Variants in GRIA4 observed in about 807,000 individuals in gnomAD.
GRIA4 encodes the protein glutamate ionotropic receptor AMPA type subunit 4.
In GRIA4, 34 loss-of-function variants were observed where a neutral mutation model predicts 104.0. The observed-to-expected ratio is 0.33, with a 90% CI of 0.25 to 0.44. The LOEUF is 0.44. Among genes scored for constraint, GRIA4 ranks in the 20% least tolerant of loss-of-function variants. GRIA4 has a pLI of 1.00. For missense variants in GRIA4, 750 were observed against 1,096.5 expected, an observed-to-expected ratio of 0.68 and a Z score of 4.46; for synonymous variants, 386 against 381.9, an observed-to-expected ratio of 1.01 and a Z score of -0.13.
intron 4 of GRIA4, among the ~76,000 whole-genome samples, chr11:105,768,174 G>T (rs1941040155): frequency 6.6e-6 from 1 of 152,132 alleles, no homozygotes; most frequent in African/African-American, 2.4e-5. Flanking sequence ...AATGGCAGAT[G>T]ACAAGGCAAG....
At chr11:105,817,447 A>C (rs929635050) in intron 4 of GRIA4, among the ~76,000 whole-genome samples, 5 of 151,354 alleles carry the variant, frequency 3.3e-5, no homozygotes, top group African/African-American at 1.2e-4. Context: ...TAAATCTGAA[A>C]ACTAGCTCAG....
intron 10 of GRIA4, among the ~76,000 whole-genome samples, chr11:105,916,897 G>A (rs527410857): frequency 4.1e-4 from 63 of 152,038 alleles, no homozygotes; most frequent in African/African-American, 1.4e-3. Flanking sequence ...TAAGCATTTT[G>A]CATATATGTG....
chr11:105,800,634 C>T (rs1012491962), intron 4 of GRIA4, among the ~76,000 whole-genome samples: 17 of 152,144 alleles, frequency 1.1e-4, no homozygotes, highest in African/African-American at 4.1e-4. Flanking sequence ...ATAATTGATG[C>T]ATTCTGAATG....
At chr11:105,971,072 T>C (rs544195614) in intron 14 of GRIA4, among the ~76,000 whole-genome samples, 109 of 152,284 alleles carry the variant, frequency 7.2e-4, no homozygotes, top group African/African-American at 2.4e-3. Flanking sequence ...CAGAAAAATC[T>C]TGGTTACCTC....
intron 14 of GRIA4, among the ~76,000 whole-genome samples, chr11:105,970,563 C>A (rs1439481747): frequency 6.6e-6 from 1 of 152,132 alleles, no homozygotes; most frequent in African/African-American, 2.4e-5. Context: ...TTAACCGTGC[C>A]TGGTACATAG....
chr11:105,911,809 TG>T, intron 10 of GRIA4: 3 of 355,966 alleles, frequency 8.4e-6, no homozygotes, highest in Non-Finnish European at 1.0e-5. Context: ...TATATATATA[TG>T]TTTCTTTTCC....
chr11:105,616,405 A>G (rs1233279028), intron 3 of GRIA4, among the ~76,000 whole-genome samples: 1 of 151,740 alleles, frequency 6.6e-6, no homozygotes, highest in Admixed American at 6.6e-5. Flanking sequence ...TTTACAAAGT[A>G]CTTGTAAAAG....
intron 6 of GRIA4, 76 bp downstream of exon 6, chr11:105,887,648 A>G (rs1377315461): frequency 1.3e-6 from 1 of 743,424 alleles, no homozygotes; most frequent in Non-Finnish European, 2.4e-6. Context: ...GCCTTAAATA[A>G]TGCTTCAATA....
intron 14 of GRIA4, among the ~76,000 whole-genome samples, chr11:105,967,790 C>G (rs1472770290): frequency 6.6e-6 from 1 of 151,418 alleles, no homozygotes; most frequent in Non-Finnish European, 1.5e-5. Flanking sequence ...TTAATAATAC[C>G]CTACTCTGCA....
intron 3 of GRIA4, among the ~76,000 whole-genome samples, chr11:105,659,719 A>C (rs539193087): frequency 2.6e-5 from 4 of 151,904 alleles, no homozygotes; most frequent in Non-Finnish European, 4.4e-5. Flanking sequence ...ACTGAGTTCT[A>C]GTCAATTTTT....
intron 3 of GRIA4, among the ~76,000 whole-genome samples, chr11:105,629,199 C>T (rs1950967869): frequency 6.6e-6 from 1 of 151,544 alleles, no homozygotes; most frequent in Non-Finnish European, 1.5e-5. Flanking sequence ...TATGATTGTA[C>T]TCCAGGCTGG....
At position 105,980,059 on chromosome 11, in the gene GRIA4, GAGTT is replaced by G. The variant is rs1859196868; in HGVS notation, c.*323_*326del. On this transcript the variant is annotated 3_prime_UTR_variant, in exon 17 of 17. Coordinates refer to ENST00000282499, the MANE Select transcript of GRIA4 (RefSeq NM_000829.4). ...GGACTCAAAAACTAATCAGACTTAT[GAGTT>G]AGCGCATTAAACTGTGAAGTTCTTG... 3 of 236,242 alleles carry G rather than the reference GAGTT, an allele frequency of 1.3e-5. No homozygotes were observed. The highest frequency in any genetic ancestry group is 6.6e-5 in the African/African-American group (3 of 45,564). The allele number at this position is 236,242 out of a possible 1,614,324, so 14.6% of individuals were successfully genotyped here. A position where few individuals can be genotyped will look rare whatever the true frequency, so the allele number is the denominator to read the frequency against.
At chr11:105,717,735 A>C (rs1439705325) in intron 3 of GRIA4, among the ~76,000 whole-genome samples, 2 of 151,564 alleles carry the variant, frequency 1.3e-5, no homozygotes, top group African/African-American at 4.8e-5. Flanking sequence ...ATTATACTTT[A>C]AGTTTTAGGG....
rs1238560958 is a variant in GRIA4 at position 105,933,712 on chromosome 11, T to C, written c.2047-10T>C. 3 of 1,535,182 alleles carry C rather than the reference T, an allele frequency of 2.0e-6. No individual in the cohort carries two copies. The South Asian group carries it at 3.6e-5, about 18-fold the overall frequency. ...TTTCCTGTATTTAATTTTATTTTAA[T>C]TTCCTCCAGAGATCAAAAATAGCAG... On this transcript the variant is annotated splice_polypyrimidine_tract_variant and intron_variant, in intron 13 of 16. Coordinates refer to ENST00000282499, the MANE Select transcript of GRIA4 (RefSeq NM_000829.4).
chr11:105,678,120 G>GT (rs1297289163), intron 3 of GRIA4, among the ~76,000 whole-genome samples: 5 of 151,874 alleles, frequency 3.3e-5, no homozygotes, highest in African/African-American at 7.3e-5. Flanking sequence ...CAACTATAAG[G>GT]TTTTTTCAAG....
At chr11:105,628,475 A>C (rs1950946511) in intron 3 of GRIA4, among the ~76,000 whole-genome samples, 1 of 152,088 alleles carries the variant, frequency 6.6e-6, no homozygotes, top group Admixed American at 6.6e-5. Context: ...GAATCATGGG[A>C]GTATGATAGT....
intron 4 of GRIA4, among the ~76,000 whole-genome samples, chr11:105,861,813 G>T (rs555292641): frequency 6.6e-6 from 1 of 152,316 alleles, no homozygotes; most frequent in East Asian, 1.9e-4. Flanking sequence ...GTATGGTGTT[G>T]CTACTTCATT....
intron 4 of GRIA4, among the ~76,000 whole-genome samples, chr11:105,839,681 C>A (rs1169892999): frequency 2.0e-5 from 3 of 151,710 alleles, no homozygotes; most frequent in African/African-American, 4.8e-5. Flanking sequence ...GCACCCCAGC[C>A]TGGGCAACAG....
intron 10 of GRIA4, chr11:105,913,603 T>C (rs1399745176): frequency 6.4e-6 from 3 of 470,648 alleles, no homozygotes; most frequent in East Asian, 3.1e-4. Context: ...AATACAGCAA[T>C]TGAGGGAAAA....
Sources: allele counts gnomAD v4.1 joint callset (sites outside exome capture counted in the v4.1 genomes callset), GRCh38; gene constraint gnomAD v4.1.1; transcripts MANE v1.5; gene names NCBI Gene and HGNC (gene_info 2026-07-23, HGNC 2026-07-21).